Variants in COL5A1 observed in about 807,000 individuals in gnomAD.
COL5A1 encodes the protein collagen alpha-1(V) chain.
In COL5A1, 16 loss-of-function variants were observed where a neutral mutation model predicts 263.7. That is an observed-to-expected ratio of 0.06 (90% CI 0.04 to 0.09). COL5A1 has a LOEUF of 0.09. Ranked by LOEUF, COL5A1 falls within the 10% of genes least tolerant of loss-of-function variation. The pLI is 1.00. For synonymous variants in COL5A1, 1,012 were observed against 1,004.5 expected (o/e 1.01, Z -0.14); for missense variants, 2,036 against 2,540.5 (o/e 0.80, Z 4.27).
chr9:134,754,127 T>A lies in COL5A1; in HGVS notation c.1774-146T>A. 1 of 891,310 alleles carries A rather than the reference T, an allele frequency of 1.1e-6. No individual in the cohort carries two copies. The highest frequency in any genetic ancestry group is 1.8e-6 in the Non-Finnish European group (1 of 553,006). 55.2% of individuals were successfully genotyped at this position (891,310 alleles called of 1,614,324 possible). The stretch of plus-strand genomic sequence containing the variant: ...CCTGGCCTTCATTCTGGGCAGCAGA[T>A]CCGTGTCCCGTCCCCGAAGTGCCCA... On this transcript the variant is annotated intron_variant, in intron 15 of 65. Transcript: ENST00000371817. This position sits in a 1 kb window ranked among gnomAD's most constrained non-coding sequence, Gnocchi z 4.3.
chr9:134,772,063 G>C (rs1217180734), intron 25 of COL5A1, among the ~76,000 whole-genome samples: 2 of 152,136 alleles, frequency 1.3e-5, no homozygotes, highest in Non-Finnish European at 2.9e-5. Flanking sequence ...CCTCGGCTGG[G>C]TACCTGTCAC....
chr9:134,657,491 T>G (rs1380460066), intron 1 of COL5A1, among the ~76,000 whole-genome samples: 18 of 15,866 alleles, frequency 1.1e-3, no homozygotes, highest in African/African-American at 2.1e-3. Context: ...AATATGGGGG[T>G]GGGGTGGGAG....
chr9:134,842,109 AC>A lies in COL5A1; in HGVS notation c.5371-43del. On this transcript the variant is annotated intron_variant, in intron 65 of 65. Transcript: ENST00000371817. The surrounding 1 kb of genome is among the most constrained non-coding windows in gnomAD (Gnocchi z 5.8). ...TGGGGGGTGATTGGTAAACCCCAAG[AC>A]CCCCAACTGTTCTTAACCACCGGCC... The A allele has an allele frequency of 5.6e-6, 9 of 1,609,384 alleles. No homozygotes were observed. Among genetic ancestry groups the A allele is most frequent in the African/African-American group, 1.3e-5 (1 of 74,676 alleles).
chr9:134,814,081 G>T, intron 49 of COL5A1, 45 bp downstream of exon 49: 1 of 1,541,132 alleles, frequency 6.5e-7, no homozygotes, highest in African/African-American at 1.4e-5. Flanking sequence ...TGGCCGAGCG[G>T]GTGTGTGGAC....
intron 4 of COL5A1, among the ~76,000 whole-genome samples, chr9:134,715,357 G>A (rs185931288): frequency 5.9e-5 from 9 of 152,136 alleles, no homozygotes; most frequent in African/African-American, 2.2e-4. Flanking sequence ...ATACAATCCG[G>A]TTTTACACCA....
intron 1 of COL5A1, among the ~76,000 whole-genome samples, chr9:134,655,142 G>T (rs1831912118): frequency 6.7e-6 from 1 of 149,316 alleles, no homozygotes; most frequent in Non-Finnish European, 1.5e-5. Flanking sequence ...GTGTAGGGCT[G>T]GAGGTGTGTA....
chr9:134,808,897 C>T (rs1324315429), intron 42 of COL5A1: 2 of 509,344 alleles, frequency 3.9e-6, no homozygotes, highest in Non-Finnish European at 7.1e-6. Flanking sequence ...TGGATCCTGT[C>T]TCTACTGCTC....
At chr9:134,697,713 C>T (rs965307420) in intron 2 of COL5A1, among the ~76,000 whole-genome samples, 5 of 152,088 alleles carry the variant, frequency 3.3e-5, no homozygotes, top group Admixed American at 1.3e-4. Flanking sequence ...GGGGTCCCTA[C>T]GGTGGGTGGG....
Position 134,801,891 on chromosome 9 carries a change from A to G in COL5A1, c.2953-63A>G, listed in dbSNP as rs1838128536. 4.1e-6 allele frequency: 6 copies of G among 1,460,670 alleles called. No individual in the cohort carries two copies. In the East Asian group the frequency reaches 1.4e-4, roughly 33 times the overall value. The allele number at this position is 1,460,670 out of a possible 1,614,324, so 90.5% of individuals were successfully genotyped here. On this transcript the variant is annotated intron_variant, in intron 37 of 65. Transcript: ENST00000371817. The stretch of plus-strand genomic sequence containing the variant: ...GGGGGGCAAGCGTCCTGCTGAGAAC[A>G]GTGCAGGGCAGGGTGGCGCAGGCCA...
Position 134,817,977 on chromosome 9 carries a change from GGGA to G in COL5A1, c.4230+151_4230+153del, listed in dbSNP as rs1206390766. 6.0e-6 allele frequency: 5 copies of G among 839,630 alleles called. No homozygotes were observed. In the East Asian group the frequency reaches 1.3e-4, roughly 22 times the overall value. The allele number at this position is 839,630 out of a possible 1,614,324, so 52.0% of individuals were successfully genotyped here. On this transcript the variant is annotated intron_variant, in intron 54 of 65. Transcript: ENST00000371817. ...GGGCACCTGGCTCATGGCCTACCTGGGGAGGAGACCTGGTTCTCTCTCAAGGAG... is the reference window on the plus strand; with the variant it reads ...GGGCACCTGGCTCATGGCCTACCTGGGGAGACCTGGTTCTCTCTCAAGGAG...
At chr9:134,830,814 G>T (rs1472780092) in intron 64 of COL5A1, among the ~76,000 whole-genome samples, 3 of 152,226 alleles carry the variant, frequency 2.0e-5, no homozygotes, top group Non-Finnish European at 4.4e-5. Context: ...GTGCCCAAGA[G>T]CCAGTTTGGA....
rs1835303682 is a variant in COL5A1, at chr9:134,741,544, G to C, written c.1494+2736G>C. 6.6e-6 allele frequency among the ~76,000 whole-genome samples: 1 copy of C among 152,050 alleles called. No homozygotes were observed. Among genetic ancestry groups the C allele is most frequent in the Non-Finnish European group, 1.5e-5 (1 of 68,024 alleles). On this transcript the variant is annotated intron_variant, in intron 11 of 65. Transcript: ENST00000371817. This position sits in a 1 kb window ranked among gnomAD's most constrained non-coding sequence, Gnocchi z 4.5. ...AAAGTCTGTTGATGCAGATTCACTG[G>C]GGGCTGGCCTCCCTCTCAGGTGATA...
chr9:134,649,796 A>G (rs751744965), intron 1 of COL5A1, among the ~76,000 whole-genome samples: 3 of 152,336 alleles, frequency 2.0e-5, no homozygotes, highest in African/African-American at 4.8e-5. Flanking sequence ...ATGCCCATCA[A>G]TGATAGATTG....
At chr9:134,763,056 C>T (rs760265727) in intron 19 of COL5A1, among the ~76,000 whole-genome samples, 1 of 151,924 alleles carries the variant, frequency 6.6e-6, no homozygotes, top group African/African-American at 2.4e-5. Context: ...AGCATGTGAG[C>T]ATGGCTGTGT....
chr9:134,825,766 C>T lies in COL5A1; in HGVS notation c.4955-26C>T, dbSNP rs768666923. The T allele has an allele frequency of 8.0e-6, 12 of 1,501,422 alleles. No homozygotes were observed. In the East Asian group the frequency reaches 2.0e-4, roughly 26 times the overall value. The allele number at this position is 1,501,422 out of a possible 1,614,324, so 93.0% of individuals were successfully genotyped here. A position where few individuals can be genotyped will look rare whatever the true frequency, so the allele number is the denominator to read the frequency against. On this transcript the variant is annotated intron_variant, in intron 62 of 65. Transcript: ENST00000371817. ...GGAGCAATCCTTCTGACTCTGCCTG[C>T]CTCCCTCCCCGTCTCTGAAATCCAG...
chr9:134,701,020 T>A (rs1480168994), intron 3 of COL5A1, 151 bp from the exon 4 acceptor site: 1 of 791,510 alleles, frequency 1.3e-6, no homozygotes, highest in Non-Finnish European at 2.1e-6. Flanking sequence ...CTAACTTGTC[T>A]GATTCCAGAG....
At chr9:134,768,044 C>T (rs936809351) in intron 24 of COL5A1, among the ~76,000 whole-genome samples, 3 of 152,196 alleles carry the variant, frequency 2.0e-5, no homozygotes, top group Non-Finnish European at 4.4e-5. Context: ...TTGATGTGAA[C>T]AGACCAGGGA....
intron 11 of COL5A1, among the ~76,000 whole-genome samples, chr9:134,745,733 A>T (rs1257268119): frequency 6.6e-6 from 1 of 152,158 alleles, no homozygotes; most frequent in African/African-American, 2.4e-5. Context: ...TTGATGACCA[A>T]CTTGGGGTTT....
chr9:134,720,221 G>A (rs112288194), intron 4 of COL5A1, among the ~76,000 whole-genome samples: 4 of 152,128 alleles, frequency 2.6e-5, no homozygotes, highest in African/African-American at 4.8e-5. Context: ...TTGGCTGTGC[G>A]TGCGCGTTGT....
Sources: allele counts gnomAD v4.1 joint callset (sites outside exome capture counted in the v4.1 genomes callset), GRCh38; gene constraint gnomAD v4.1.1; non-coding constraint Gnocchi (gnomAD v3.1); transcripts MANE v1.5; gene names NCBI Gene and HGNC (gene_info 2026-07-23, HGNC 2026-07-21).